CPNE4: variants seen among roughly 807,000 people sequenced by gnomAD.
CPNE4 encodes copine 4, also known as copine-4.
Under a neutral mutation model 67.9 loss-of-function variants are expected in CPNE4, and 25 were observed. The observed-to-expected ratio is 0.37, with a 90% CI of 0.27 to 0.51. The LOEUF (loss-of-function observed/expected upper bound fraction) is 0.51. Among genes scored for constraint, CPNE4 ranks in the 20% least tolerant of loss-of-function variants. The probability of loss-of-function intolerance (pLI) is 0.93; values close to 1 mark genes in which losing one functional copy is unlikely to be tolerated. For synonymous variants in CPNE4, 242 were observed against 244.9 expected, an observed-to-expected ratio of 0.99 and a Z score of 0.11; for missense variants, 464 against 690.8, an observed-to-expected ratio of 0.67 and a Z score of 3.68.
At chr3:131,835,219 A>G (rs978560822) in intron 2 of CPNE4, among the ~76,000 whole-genome samples, 3 of 152,192 alleles carry the variant, frequency 2.0e-5, no homozygotes, top group African/African-American at 7.2e-5. Flanking sequence ...CTCAGACCAC[A>G]AAAGGGTACA....
chr3:131,591,802 C>T (rs1938547013), intron 7 of CPNE4, among the ~76,000 whole-genome samples: 1 of 152,176 alleles, frequency 6.6e-6, no homozygotes, highest in South Asian at 2.1e-4. Flanking sequence ...CTTATGACAG[C>T]TCTGATGCAG....
intron 1 of CPNE4, among the ~76,000 whole-genome samples, chr3:131,940,908 G>T (rs2071366877): frequency 6.6e-6 from 1 of 152,046 alleles, no homozygotes; most frequent in East Asian, 1.9e-4. Context: ...TCAAAACAGT[G>T]CATGAAGCTA....
chr3:131,662,345 A>G (rs1439076944), intron 7 of CPNE4, among the ~76,000 whole-genome samples: 1 of 152,222 alleles, frequency 6.6e-6, no homozygotes, highest in African/African-American at 2.4e-5. Context: ...ATGAAATAAG[A>G]AAGATATGAA....
intron 6 of CPNE4, among the ~76,000 whole-genome samples, chr3:131,683,283 C>A (rs2080803390): frequency 6.6e-6 from 1 of 152,170 alleles, no homozygotes; most frequent in Non-Finnish European, 1.5e-5. Flanking sequence ...TCACCCAAGG[C>A]CCATGGTGAG....
chr3:131,754,168 C>A (rs73220467), intron 2 of CPNE4, among the ~76,000 whole-genome samples: 24,938 of 151,734 alleles, frequency 0.16, 2,489 homozygotes, highest in East Asian at 0.27. Context: ...TGGAAAAAAG[C>A]AAGGTATAAG....
At chr3:131,655,235 C>T (rs911399456) in intron 7 of CPNE4, among the ~76,000 whole-genome samples, 2 of 152,154 alleles carry the variant, frequency 1.3e-5, no homozygotes, top group African/African-American at 4.8e-5. Context: ...AGTCTTGGGC[C>T]CCACCCTAGA....
intron 1 of CPNE4, among the ~76,000 whole-genome samples, chr3:131,984,026 T>C (rs1210188021): frequency 6.6e-6 from 1 of 152,196 alleles, no homozygotes; most frequent in African/African-American, 2.4e-5. Flanking sequence ...TTCTGACTGG[T>C]AGAAAACTTG....
chr3:131,882,482 G>A lies in CPNE4; in HGVS notation c.180+22782C>T, dbSNP rs569349082. Among the ~76,000 whole-genome samples, 58 of 152,182 alleles carry A rather than the reference G, an allele frequency of 3.8e-4. 1 individual carries two copies. In the South Asian group the frequency reaches 8.1e-3, roughly 21 times the overall value. On this transcript the variant is annotated intron_variant, in intron 2 of 15. Transcript: ENST00000429747. ...CTTGTAGTAACACATTGGTATGATC[G>A]TTCCAGATAGGCAGTTGGGTAATTT...
chr3:131,882,247 CAT>C (rs2087702703), intron 2 of CPNE4, among the ~76,000 whole-genome samples: 1 of 151,830 alleles, frequency 6.6e-6, no homozygotes, highest in African/African-American at 2.4e-5. Context: ...TTATATGTGT[CAT>C]ATTATATTAT....
At chr3:131,581,487 T>C (rs1937832695) in intron 9 of CPNE4, 92 bp downstream of exon 9, 12 of 812,770 alleles carry the variant, frequency 1.5e-5, no homozygotes, top group Non-Finnish European at 2.3e-5. Context: ...TCACATCTTT[T>C]TGATACTCTT....
At chr3:131,717,882 C>CTTTCTTTCT (rs1464340270) in intron 3 of CPNE4, among the ~76,000 whole-genome samples, 1 of 54,056 alleles carries the variant, frequency 1.8e-5, no homozygotes, top group African/African-American at 5.5e-5. Flanking sequence ...TCTTTTCTTT[C>CTTTCTTTCT]TTTCTTTCTT....
At chr3:131,711,989 T>A (rs185023566) in intron 3 of CPNE4, among the ~76,000 whole-genome samples, 1 of 152,306 alleles carries the variant, frequency 6.6e-6, no homozygotes, top group East Asian at 1.9e-4. Context: ...GGGACTAACA[T>A]CTGCAAATTG....
chr3:131,769,951 T>C (rs2083122608), intron 2 of CPNE4, among the ~76,000 whole-genome samples: 1 of 152,160 alleles, frequency 6.6e-6, no homozygotes, highest in South Asian at 2.1e-4. Flanking sequence ...TAAACTACTC[T>C]TGTTCTGGGC....
intron 9 of CPNE4, among the ~76,000 whole-genome samples, chr3:131,580,213 A>C (rs1476994402): frequency 1.3e-5 from 2 of 152,168 alleles, no homozygotes; most frequent in African/African-American, 4.8e-5. Flanking sequence ...TTTAGCAATA[A>C]GGTATTTTTA....
intron 2 of CPNE4, among the ~76,000 whole-genome samples, chr3:131,895,229 G>T (rs981424943): frequency 2.0e-5 from 3 of 151,964 alleles, no homozygotes; most frequent in African/African-American, 7.2e-5. Context: ...AGAGAGGAGT[G>T]GATGAGATGT....
rs1299223241 is a variant in CPNE4, at chr3:131,992,886, AC to A, written c.-2+41680del. On this transcript the variant is annotated intron_variant, in intron 1 of 15. Transcript: ENST00000429747. ...TCCTTCCTTGCTCAACACTTCTGCT[AC>A]CTGCTGCTATGTGAAGGACACATTT... Among the ~76,000 whole-genome samples the A allele has an allele frequency of 1.5e-5, 2 of 135,856 alleles. 1 individual carries two copies. The highest frequency in any genetic ancestry group is 3.3e-5 in the Non-Finnish European group (2 of 59,914). The allele number at this position is 135,856 out of a possible 152,430, so 89.1% of individuals were successfully genotyped here. A position where few individuals can be genotyped will look rare whatever the true frequency, so the allele number is the denominator to read the frequency against.
chr3:131,935,994 G>T (rs568549348), intron 1 of CPNE4, among the ~76,000 whole-genome samples: 1 of 151,982 alleles, frequency 6.6e-6, no homozygotes, highest in African/African-American at 2.4e-5. Flanking sequence ...GTACAGTTCA[G>T]AACCATAGAC....
chr3:131,757,493 T>A (rs139000797), intron 2 of CPNE4, among the ~76,000 whole-genome samples: 1 of 152,198 alleles, frequency 6.6e-6, no homozygotes, highest in Non-Finnish European at 1.5e-5. Flanking sequence ...GCACTCAAGA[T>A]GTGACGTGGG....
intron 1 of CPNE4, among the ~76,000 whole-genome samples, chr3:132,003,295 A>G (rs2073502853): frequency 6.6e-6 from 1 of 152,026 alleles, no homozygotes; most frequent in East Asian, 1.9e-4. Flanking sequence ...GGACAGGGTT[A>G]TTTGTCACAG....
Sources: gnomAD v4.1 joint callset for allele counts (sites outside exome capture counted in the v4.1 genomes callset) on GRCh38, gnomAD v4.1.1 for gene constraint, MANE v1.5 for transcripts, NCBI Gene and HGNC (gene_info 2026-07-23, HGNC 2026-07-21) for gene names.